The following CDC42BPA variants were observed in gnomAD, a reference collection of about 807,000 sequenced individuals.
The protein encoded by CDC42BPA is CDC42 binding protein kinase alpha, also known as serine/threonine-protein kinase MRCK alpha.
In CDC42BPA, 80 loss-of-function variants were observed where a neutral mutation model predicts 223.5. That is an observed-to-expected ratio of 0.36 (90% CI 0.30 to 0.43). The LOEUF (loss-of-function observed/expected upper bound fraction) is 0.43, where lower values mean the gene tolerates loss of function less well. CDC42BPA is among the 20% of genes least tolerant of loss of function. The pLI is 1.00. For synonymous variants in CDC42BPA, 694 were observed against 718.6 expected (o/e 0.97, Z 0.55); for missense variants, 1,743 against 2,099.9 (o/e 0.83, Z 3.32).
At chr1:227,178,884 T>C (rs1160222989) in intron 5 of CDC42BPA, among the ~76,000 whole-genome samples, 1 of 152,224 alleles carries the variant, frequency 6.6e-6, no homozygotes, top group Non-Finnish European at 1.5e-5. Context: ...AATTTCCTGA[T>C]AGACTGAGTA....
At chr1:227,087,930 T>C (rs1189205992) in intron 16 of CDC42BPA, among the ~76,000 whole-genome samples, 1 of 152,054 alleles carries the variant, frequency 6.6e-6, no homozygotes, top group Non-Finnish European at 1.5e-5. Context: ...CATTATTTTT[T>C]ATAGCCCTTC....
chr1:227,261,142 G>A (rs138733857), intron 1 of CDC42BPA, among the ~76,000 whole-genome samples: 3,514 of 37,140 alleles, frequency 0.095, 69 homozygotes, highest in South Asian at 0.19. Context: ...TTGAGACAGA[G>A]TCTCGCTCTG....
chr1:227,213,360 T>C (rs1462561457), intron 2 of CDC42BPA, 141 bp from the exon 3 acceptor site: 1 of 520,986 alleles, frequency 1.9e-6, no homozygotes, highest in East Asian at 3.2e-5. Context: ...GATCCTAAAT[T>C]AAATAATGTT....
chr1:227,279,848 G>C (rs2148557604), intron 1 of CDC42BPA, among the ~76,000 whole-genome samples: 1 of 152,246 alleles, frequency 6.6e-6, no homozygotes, highest in South Asian at 2.1e-4. Context: ...CTTGAGGTTA[G>C]GAGTTCAAGA....
intron 5 of CDC42BPA, among the ~76,000 whole-genome samples, chr1:227,181,761 C>T (rs1014708477): frequency 6.6e-6 from 1 of 152,034 alleles, no homozygotes; most frequent in Non-Finnish European, 1.5e-5. Context: ...AATGAATTTA[C>T]AAAATTAAAA....
chr1:227,027,427 GC>G (rs1668471795), intron 30 of CDC42BPA, among the ~76,000 whole-genome samples: 1 of 152,026 alleles, frequency 6.6e-6, no homozygotes, highest in Non-Finnish European at 1.5e-5. Flanking sequence ...TACTCCTCCT[GC>G]CCCCAAGTAA....
At chr1:227,106,403 TAATA>T (rs987741845) in intron 14 of CDC42BPA, among the ~76,000 whole-genome samples, 3 of 152,180 alleles carry the variant, frequency 2.0e-5, no homozygotes, top group African/African-American at 7.2e-5. Flanking sequence ...TTTACTTTCT[TAATA>T]ATGTCCTTTG....
intron 5 of CDC42BPA, among the ~76,000 whole-genome samples, chr1:227,166,685 G>A (rs1361293036): frequency 6.6e-6 from 1 of 152,118 alleles, no homozygotes; most frequent in African/African-American, 2.4e-5. Flanking sequence ...GACCACCCTG[G>A]TTCTTTCTGT....
At chr1:227,227,896 C>T (rs1677118791) in intron 2 of CDC42BPA, among the ~76,000 whole-genome samples, 2 of 152,114 alleles carry the variant, frequency 1.3e-5, no homozygotes, top group Non-Finnish European at 2.9e-5. Context: ...GTGTACTGAA[C>T]AAGAAACAAG....
chr1:227,314,678 A>G (rs1694077387), intron 1 of CDC42BPA, among the ~76,000 whole-genome samples: 1 of 151,784 alleles, frequency 6.6e-6, no homozygotes, highest in Non-Finnish European at 1.5e-5. Flanking sequence ...TGACACTTTC[A>G]TTAATATAAA....
rs145208796 is a variant in CDC42BPA, at chr1:227,302,517, C to G, written c.178+14488G>C. ...CTGATTCTTATCCTTTGTATTCACA[C>G]TCTTTGGAACCTTTTGGGGTCTCTT... On this transcript the variant is annotated intron_variant, in intron 1 of 36. Transcript: ENST00000366766. 2.4e-3 allele frequency among the ~76,000 whole-genome samples: 359 copies of G among 152,328 alleles called. 1 individual carries two copies. Among genetic ancestry groups the G allele is most frequent in the Non-Finnish European group, 3.4e-3 (231 of 68,028 alleles).
In CDC42BPA at chr1:227,112,808, G is replaced by C; in HGVS notation, c.1753C>G (p.Arg585Gly). ...AMQEFMEINERLTELHTQKQK... is the reference protein window; with the variant it reads ...AMQEFMEINEGLTELHTQKQK... ...TTTTGGGTGTGCAATTCTGTTAGCC[G>C]CTCATTGATCTCCATGAATTCCTGC... The change falls in exon 13 of 37, where the codon CGG (arginine) becomes GGG (glycine). Residue 585 changes from arginine to glycine, a missense_variant. By Grantham distance (125) the Arg-to-Gly change is moderately radical (BLOSUM62 -2). Coordinates refer to ENST00000366766, the MANE Select transcript of CDC42BPA (RefSeq NM_001394014.1). The C allele has an allele frequency of 6.2e-7, 1 of 1,613,974 alleles. No individual in the cohort carries two copies. The highest frequency in any genetic ancestry group is 8.5e-7 in the Non-Finnish European group (1 of 1,179,970).
At chr1:227,127,648 T>C (rs945996525) in intron 11 of CDC42BPA, among the ~76,000 whole-genome samples, 1 of 152,172 alleles carries the variant, frequency 6.6e-6, no homozygotes, top group Non-Finnish European at 1.5e-5. Context: ...GCAAACTCCA[T>C]GATTCACTTA....
At chr1:227,032,407 T>C (rs999664178) in intron 27 of CDC42BPA, among the ~76,000 whole-genome samples, 4 of 152,006 alleles carry the variant, frequency 2.6e-5, no homozygotes, top group African/African-American at 4.8e-5. Flanking sequence ...CATAGACAAA[T>C]ATAGGGAGAT....
At chr1:227,194,123 T>TA (rs1311776044) in intron 4 of CDC42BPA, among the ~76,000 whole-genome samples, 189 bp from the exon 5 acceptor site, 1 of 152,126 alleles carries the variant, frequency 6.6e-6, no homozygotes, top group Non-Finnish European at 1.5e-5. Flanking sequence ...CATACAGCAG[T>TA]AAAACAAAAT....
intron 1 of CDC42BPA, among the ~76,000 whole-genome samples, chr1:227,266,498 C>T (rs182345682): frequency 5.6e-4 from 86 of 152,240 alleles, no homozygotes; most frequent in African/African-American, 2.0e-3. Context: ...CTTGTGTTTT[C>T]GATCACTGTT....
At chr1:227,284,432 G>A (rs1276047549) in intron 1 of CDC42BPA, among the ~76,000 whole-genome samples, 2 of 152,128 alleles carry the variant, frequency 1.3e-5, no homozygotes, top group Non-Finnish European at 1.5e-5. Context: ...TGAACCACAT[G>A]TAAGTCCGTA....
chr1:227,134,172 C>T (rs964110817), intron 10 of CDC42BPA, among the ~76,000 whole-genome samples: 1 of 152,054 alleles, frequency 6.6e-6, no homozygotes, highest in Non-Finnish European at 1.5e-5. Flanking sequence ...TCTTTACTTT[C>T]TTACTTACCC....
chr1:227,242,076 A>G (rs1680120289), intron 2 of CDC42BPA, among the ~76,000 whole-genome samples: 4 of 152,268 alleles, frequency 2.6e-5, no homozygotes, highest in Admixed American at 2.6e-4. Context: ...AATCAAACCC[A>G]ACTATATATT....
Sources: gnomAD v4.1 joint callset for allele counts (sites outside exome capture counted in the v4.1 genomes callset) on GRCh38, gnomAD v4.1.1 for gene constraint, MANE v1.5 for transcripts, NCBI Gene and HGNC (gene_info 2026-07-23, HGNC 2026-07-21) for gene names.